The following ZNF268 variants were observed in gnomAD, a reference collection of about 807,000 sequenced individuals.
ZNF268 encodes zinc finger protein 268, also known as zinc finger protein 3.
In ZNF268, 20 loss-of-function variants were observed where a neutral mutation model predicts 29.3. That is an observed-to-expected ratio of 0.68 (90% CI 0.48 to 0.99). ZNF268 has a LOEUF of 0.99. ZNF268 is among the 50% of genes least tolerant of loss of function. ZNF268 has a pLI of 0.00. For missense variants in ZNF268, 1,240 were observed against 1,121.6 expected (o/e 1.11, Z -1.51); for synonymous variants, 429 against 376.9 (o/e 1.14, Z -1.60).
intron 5 of ZNF268, among the ~76,000 whole-genome samples, chr12:133,195,329 A>G (rs576755709): frequency 2.0e-5 from 3 of 152,338 alleles, no homozygotes; most frequent in East Asian, 1.9e-4. Context: ...GCCAGGAACC[A>G]TATTTAATAT....
chr12:133,201,313 G>A (rs1037855176), intron 5 of ZNF268, among the ~76,000 whole-genome samples: 4 of 151,758 alleles, frequency 2.6e-5, no homozygotes, highest in African/African-American at 7.3e-5. Flanking sequence ...TTTTTTTAAG[G>A]CCTGCTGTGC....
intron 3 of ZNF268, among the ~76,000 whole-genome samples, chr12:133,188,975 C>T (rs1417120573): frequency 2.6e-5 from 4 of 152,022 alleles, no homozygotes; most frequent in Admixed American, 6.5e-5. Flanking sequence ...ATCCTAAGCT[C>T]ATAAAGATCT....
intron 2 of ZNF268, among the ~76,000 whole-genome samples, chr12:133,187,655 T>C (rs76867922): frequency 0.033 from 5,002 of 152,192 alleles, 252 homozygotes; most frequent in African/African-American, 0.11. Context: ...GTCGTACCTG[T>C]ATTTTTATCA....
At position 133,210,938 on chromosome 12, in the gene ZNF268, GGCCATGT is replaced by G. The variant is rs1355956052; in HGVS notation, c.*6412_*6418del. The G allele has an allele frequency of 2.2e-6, 1 of 455,868 alleles. No homozygotes were observed. The highest frequency in any genetic ancestry group is 6.9e-5 in the East Asian group (1 of 14,392). The allele number at this position is 455,868 out of a possible 1,614,324, so 28.2% of individuals were successfully genotyped here. ...TGGTCAGTGCTTCCTGTTTTGTGAT[GGCCATGT>G]GCCCCCTCTTGCAGTCCCAGTGAAC... On this transcript the variant is annotated 3_prime_UTR_variant, in exon 6 of 6. Transcript: ENST00000536435.
chr12:133,201,225 A>G (rs539283197), intron 5 of ZNF268, among the ~76,000 whole-genome samples: 2 of 152,030 alleles, frequency 1.3e-5, no homozygotes, highest in African/African-American at 2.4e-5. Flanking sequence ...CTTTCAGCCA[A>G]ATTATTAATT....
rs546591117 is a variant in ZNF268 at position 133,202,117 on chromosome 12, CAT to C, written c.458-26_458-25del. On this transcript the variant is annotated intron_variant, in intron 5 of 5. Coordinates refer to ENST00000536435, the MANE Select transcript of ZNF268 (RefSeq NM_003415.3). ...TATACCGCAATCATGTGATTTATAA[CAT>C]GTGACCAATTGTTCTCATTTCTAGA... 2.5e-3 allele frequency: 3,837 copies of C among 1,516,964 alleles called. 14 individuals are homozygous for C. The highest frequency in any genetic ancestry group is 6.0e-3 in the African/African-American group (432 of 71,746). The allele number at this position is 1,516,964 out of a possible 1,614,324, so 94.0% of individuals were successfully genotyped here. A position where few individuals can be genotyped will look rare whatever the true frequency, so the allele number is the denominator to read the frequency against.
intron 1 of ZNF268, 112 bp downstream of exon 1, chr12:133,181,798 G>A: frequency 1.6e-6 from 1 of 606,860 alleles, no homozygotes; most frequent in South Asian, 1.9e-5. Context: ...GTGTGTTGGT[G>A]AGGGTGTGGA....
rs117512921 is a variant in ZNF268 at position 133,190,096 on chromosome 12, T to C, written c.235-1393T>C. Among the ~76,000 whole-genome samples, 233 of 152,320 alleles carry C rather than the reference T, an allele frequency of 1.5e-3. 3 individuals are homozygous for C. The East Asian group carries it at 0.039, about 26-fold the overall frequency. ...GTGCTAGGGTTACAGGCGTGAGCCA[T>C]GGCGCCTGGCCCAAGTTTATCTGTT... is the stretch of plus-strand genomic sequence containing the variant. On this transcript the variant is annotated intron_variant, in intron 3 of 5. Transcript: ENST00000536435.
Position 133,205,725 on chromosome 12 carries a change from T to A in ZNF268, c.*1195T>A, listed in dbSNP as rs139598286. On this transcript the variant is annotated 3_prime_UTR_variant, in exon 6 of 6. Coordinates refer to ENST00000536435, the MANE Select transcript of ZNF268 (RefSeq NM_003415.3). ...CAATATAAGGCACACTTCATGTGTT[T>A]GTGTAGCCTGGAATCTATTCTACCT... 6.6e-6 allele frequency: 1 copy of A among 152,216 alleles called. No homozygotes were observed. Among genetic ancestry groups the A allele is most frequent in the South Asian group, 2.1e-4 (1 of 4,838 alleles). 9.4% of individuals were successfully genotyped at this position (152,216 alleles called of 1,614,324 possible).
rs1956862056 is a variant in ZNF268, at chr12:133,204,907, A to G, written c.*377A>G. On this transcript the variant is annotated 3_prime_UTR_variant, in exon 6 of 6. Coordinates refer to ENST00000536435, the MANE Select transcript of ZNF268 (RefSeq NM_003415.3). ...TATAGAATAGACTTCTTTGAAATTC[A>G]TAGTTTACAGAATTTTAATGAGAGA... 1 of 165,376 alleles carries G rather than the reference A, an allele frequency of 6.0e-6. No individual in the cohort carries two copies. Among genetic ancestry groups the G allele is most frequent in the Non-Finnish European group, 1.3e-5 (1 of 77,370 alleles). The allele number at this position is 165,376 out of a possible 1,614,324, so 10.2% of individuals were successfully genotyped here.
At chr12:133,185,225 A>G (rs1477349607) in intron 2 of ZNF268, among the ~76,000 whole-genome samples, 2 of 150,622 alleles carry the variant, frequency 1.3e-5, no homozygotes, top group African/African-American at 4.9e-5. Flanking sequence ...TGGCTACTTT[A>G]GCTTGGGTGC....
Position 133,209,903 on chromosome 12 carries a change from C to T in ZNF268, c.*5373C>T, listed in dbSNP as rs1384129813. 5 of 152,254 alleles carry T rather than the reference C, an allele frequency of 3.3e-5. No homozygotes were observed. Among genetic ancestry groups the T allele is most frequent in the African/African-American group, 9.6e-5 (4 of 41,460 alleles). The allele number at this position is 152,254 out of a possible 1,614,324, so 9.4% of individuals were successfully genotyped here. A position where few individuals can be genotyped will look rare whatever the true frequency, so the allele number is the denominator to read the frequency against. On this transcript the variant is annotated 3_prime_UTR_variant, in exon 6 of 6. Transcript: ENST00000536435. ...TCCCACAGGTGCTGTTCATCCCCAA[C>T]TTTGACCTGGACTGTTGCAGTGTTT...
In ZNF268 at chr12:133,203,282, T is replaced by C. The variant is rs746208790; in HGVS notation, c.1596T>C (p.Asn532=). 6.5e-7 allele frequency: 1 copy of C among 1,538,604 alleles called. No individual in the cohort carries two copies. The highest frequency in any genetic ancestry group is 1.2e-5 in the South Asian group (1 of 84,036). The change falls in exon 6 of 6, where the codon AAT becomes AAC. Residue 532 remains asparagine (N), a synonymous_variant. Transcript: ENST00000536435. The part of the protein sequence containing the change: ...HTGEKLHECN[N]CGKAFSFKSQ... ...GAGAAAAACTCCATGAATGCAACAA[T>C]TGTGGGAAAGCCTTCAGTTTTAAAT...
intron 2 of ZNF268, among the ~76,000 whole-genome samples, chr12:133,183,772 C>A (rs1011550057): frequency 6.6e-6 from 1 of 151,936 alleles, no homozygotes; most frequent in African/African-American, 2.4e-5. Context: ...GAATGTGTAC[C>A]CTAAGAAGAG....
rs373286359 is a variant in ZNF268 at position 133,204,001 on chromosome 12, G to A, written c.2315G>A (p.Arg772Gln). 7.0e-5 allele frequency: 111 copies of A among 1,581,708 alleles called. No individual in the cohort carries two copies. The highest frequency in any genetic ancestry group is 2.8e-4 in the African/African-American group (21 of 74,032). ...NRKDQLISHQ[R>Q]THAGEKPYGC... is the part of the protein sequence containing the mutation. ...AAAGACCAGCTCATTTCACATCAGC[G>A]AACTCATGCAGGGGAAAAGCCTTAT... is the stretch of plus-strand genomic sequence containing the variant. The change falls in exon 6 of 6, where the codon CGA (arginine) becomes CAA (glutamine). Residue 772 changes from arginine (R) to glutamine (Q), a missense_variant. Transcript: ENST00000536435.
chr12:133,205,572 T>G lies in ZNF268; in HGVS notation c.*1042T>G, dbSNP rs1056597933. 3 of 152,226 alleles carry G rather than the reference T, an allele frequency of 2.0e-5. No homozygotes were observed. The highest frequency in any genetic ancestry group is 7.2e-5 in the African/African-American group (3 of 41,460). 9.4% of individuals were successfully genotyped at this position (152,226 alleles called of 1,614,324 possible). ...ACTCTGCATACCAACATTGTTTCTT[T>G]GTGTCTTACCAAATGCAACTTGTTA... On this transcript the variant is annotated 3_prime_UTR_variant, in exon 6 of 6. Transcript: ENST00000536435.
chr12:133,197,232 C>T (rs1275056486), intron 5 of ZNF268, among the ~76,000 whole-genome samples: 29 of 135,966 alleles, frequency 2.1e-4, no homozygotes, highest in African/African-American at 7.2e-4. Context: ...GTTCCCCTTC[C>T]TGTGTCCATG....
At chr12:133,201,535 TACA>T (rs1181781069) in intron 5 of ZNF268, among the ~76,000 whole-genome samples, 1 of 152,118 alleles carries the variant, frequency 6.6e-6, no homozygotes, top group Non-Finnish European at 1.5e-5. Context: ...TAATTTTTGT[TACA>T]TTGTAGAAAG....
At chr12:133,187,492 G>A (rs910304297) in intron 2 of ZNF268, among the ~76,000 whole-genome samples, 3 of 151,950 alleles carry the variant, frequency 2.0e-5, no homozygotes, top group East Asian at 1.9e-4. Flanking sequence ...TCAGAGCCTC[G>A]TTTGGTTCCT....
Sources: allele counts gnomAD v4.1 joint callset (sites outside exome capture counted in the v4.1 genomes callset), GRCh38; gene constraint gnomAD v4.1.1; transcripts MANE v1.5; gene names NCBI Gene and HGNC (gene_info 2026-07-23, HGNC 2026-07-21).